C1QTNF7: variants seen among roughly 807,000 people sequenced by gnomAD.
C1QTNF7 encodes C1q and TNF related 7, also known as complement C1q tumor necrosis factor-related protein 7.
A neutral mutation model predicts 19.6 loss-of-function variants in C1QTNF7; 15 were observed. That is an observed-to-expected ratio of 0.76 (90% CI 0.51 to 1.18). The LOEUF is 1.18. Ranked by LOEUF, C1QTNF7 falls within the 50% of genes most tolerant of loss-of-function variation. C1QTNF7 has a pLI of 0.00. For synonymous variants in C1QTNF7, 142 were observed against 137.5 expected, an observed-to-expected ratio of 1.03 and a Z score of -0.23; for missense variants, 324 against 359.7, an observed-to-expected ratio of 0.90 and a Z score of 0.80.
intron 1 of C1QTNF7, among the ~76,000 whole-genome samples, chr4:15,433,101 C>T (rs1344140044): frequency 6.6e-6 from 1 of 152,110 alleles, no homozygotes; most frequent in Non-Finnish European, 1.5e-5. Context: ...CTTTCAGGTC[C>T]CTCCTGAAAG....
intron 1 of C1QTNF7, among the ~76,000 whole-genome samples, chr4:15,419,400 G>A (rs991737691): frequency 6.6e-6 from 1 of 152,184 alleles, no homozygotes. Context: ...GATGGATATC[G>A]TTTGGCCATT....
intron 1 of C1QTNF7, among the ~76,000 whole-genome samples, chr4:15,379,379 A>G (rs1397304113): frequency 1.3e-5 from 2 of 152,210 alleles, no homozygotes; most frequent in African/African-American, 4.8e-5. Flanking sequence ...ACTGCTTTCG[A>G]ACACTTACTT....
chr4:15,403,342 A>C (rs1057331658), intron 1 of C1QTNF7, among the ~76,000 whole-genome samples: 2 of 152,164 alleles, frequency 1.3e-5, no homozygotes, highest in African/African-American at 4.8e-5. Flanking sequence ...AAATTACCAC[A>C]ACCTGGGTGG....
chr4:15,355,317 G>A (rs1717095405), intron 1 of C1QTNF7, among the ~76,000 whole-genome samples: 1 of 152,116 alleles, frequency 6.6e-6, no homozygotes, highest in Non-Finnish European at 1.5e-5. Flanking sequence ...ACCAGCTACT[G>A]CCCCCTCATC....
intron 1 of C1QTNF7, among the ~76,000 whole-genome samples, chr4:15,343,075 T>C (rs1716598967): frequency 6.6e-6 from 1 of 152,220 alleles, no homozygotes; most frequent in Non-Finnish European, 1.5e-5. Context: ...TAGAGAATGT[T>C]AGCTATTCTT....
chr4:15,378,741 A>T (rs1056896233), intron 1 of C1QTNF7, among the ~76,000 whole-genome samples: 12 of 152,296 alleles, frequency 7.9e-5, no homozygotes, highest in African/African-American at 2.9e-4. Context: ...AAGCTGCCAG[A>T]AGTCAGTCAA....
intron 1 of C1QTNF7, 109 bp downstream of exon 1, chr4:15,428,215 T>TC: frequency 3.0e-6 from 1 of 331,462 alleles, no homozygotes; most frequent in Middle Eastern, 1.5e-3. Flanking sequence ...GTAGGAAGAA[T>TC]CCATAAAACT....
In C1QTNF7 at chr4:15,428,047, A is replaced by G; in HGVS notation, c.-68A>G. On this transcript the variant is annotated 5_prime_UTR_variant, in exon 1 of 3. Coordinates refer to ENST00000444304, the MANE Select transcript of C1QTNF7 (RefSeq NM_031911.5). ...GCAAGTTTTTCACTGAGCTCTCATG[A>G]AAGATCCTCAGTCTCTTGTGGATTT... The G allele has an allele frequency of 1.0e-6, 1 of 985,456 alleles. No homozygotes were observed. The highest frequency in any genetic ancestry group is 1.2e-6 in the Non-Finnish European group (1 of 829,934). The allele number at this position is 985,456 out of a possible 1,614,324, so 61.0% of individuals were successfully genotyped here. A position where few individuals can be genotyped will look rare whatever the true frequency, so the allele number is the denominator to read the frequency against.
At chr4:15,412,235 T>C (rs1719428624) in intron 1 of C1QTNF7, among the ~76,000 whole-genome samples, 1 of 152,194 alleles carries the variant, frequency 6.6e-6, no homozygotes. Context: ...TATAATTATT[T>C]CACTATACAT....
chr4:15,435,199 C>T (rs956809916), intron 1 of C1QTNF7, among the ~76,000 whole-genome samples: 3 of 152,036 alleles, frequency 2.0e-5, no homozygotes, highest in Admixed American at 1.3e-4. Context: ...TAATGTCACA[C>T]ATAATTTTGA....
chr4:15,431,423 G>A (rs1577280211), intron 1 of C1QTNF7, among the ~76,000 whole-genome samples: 1 of 152,186 alleles, frequency 6.6e-6, no homozygotes, highest in Non-Finnish European at 1.5e-5. Flanking sequence ...AAAGGGAGGT[G>A]AAGAAATTGA....
chr4:15,400,256 T>G (rs1718934640), intron 1 of C1QTNF7, among the ~76,000 whole-genome samples: 1 of 152,160 alleles, frequency 6.6e-6, no homozygotes, highest in South Asian at 2.1e-4. Flanking sequence ...AAGAAAACAT[T>G]TACAGTCTGT....
At chr4:15,385,209 G>A (rs1215044188) in intron 1 of C1QTNF7, among the ~76,000 whole-genome samples, 1 of 152,224 alleles carries the variant, frequency 6.6e-6, no homozygotes, top group African/African-American at 2.4e-5. Context: ...TTGGGACAGA[G>A]CTGTGATCAA....
intron 1 of C1QTNF7, among the ~76,000 whole-genome samples, chr4:15,434,427 C>CA (rs1319276078): frequency 6.6e-6 from 1 of 152,048 alleles, no homozygotes; most frequent in African/African-American, 2.4e-5. Flanking sequence ...ACATGGCTGT[C>CA]AAAAAACAAA....
chr4:15,361,817 G>T (rs1717352751), intron 1 of C1QTNF7, among the ~76,000 whole-genome samples: 1 of 152,118 alleles, frequency 6.6e-6, no homozygotes, highest in Non-Finnish European at 1.5e-5. Context: ...TGAGTAGACG[G>T]TTACATTTAA....
At position 15,435,954 on chromosome 4, in the gene C1QTNF7, G is replaced by GGA; in HGVS notation, c.216_217dup (p.Lys73ArgfsTer10). On this transcript the variant is annotated frameshift_variant, in exon 2 of 3. Coordinates refer to ENST00000444304, the MANE Select transcript of C1QTNF7 (RefSeq NM_031911.5). LOFTEE classifies it high-confidence loss of function. ...AAGAGATGGTAGAGACGGCAGGAAA[G>GGA]GAGAGAAAGGTGAAAAGGGAACTGC... 6.2e-7 allele frequency: 1 copy of GGA among 1,613,910 alleles called. No homozygotes were observed. The highest frequency in any genetic ancestry group is 8.5e-7 in the Non-Finnish European group (1 of 1,179,920).
upstream of C1QTNF7, among the ~76,000 whole-genome samples, chr4:15,426,574 A>G (rs1356436145): frequency 1.3e-5 from 2 of 152,250 alleles, no homozygotes; most frequent in Admixed American, 6.5e-5. Flanking sequence ...GTAACATTAA[A>G]GAGAAATTAG....
At chr4:15,381,233 C>G (rs536771407) in intron 1 of C1QTNF7, among the ~76,000 whole-genome samples, 1 of 151,608 alleles carries the variant, frequency 6.6e-6, no homozygotes, top group African/African-American at 2.4e-5. Flanking sequence ...CTGGCTAACA[C>G]AGTGAAACCC....
chr4:15,439,534 G>C (rs892482334), intron 2 of C1QTNF7, among the ~76,000 whole-genome samples: 1 of 152,184 alleles, frequency 6.6e-6, no homozygotes. Context: ...GCTTTGCCCA[G>C]TAAGTTTGGA....
Sources: allele counts gnomAD v4.1 joint callset (sites outside exome capture counted in the v4.1 genomes callset), GRCh38; gene constraint gnomAD v4.1.1; transcripts MANE v1.5; gene names NCBI Gene and HGNC (gene_info 2026-07-23, HGNC 2026-07-21).